Variants in PLEKHA6 observed in about 807,000 individuals in gnomAD.
The protein encoded by PLEKHA6 is pleckstrin homology domain-containing family A member 6.
A neutral mutation model predicts 116.7 loss-of-function variants in PLEKHA6; 60 were observed. That is an observed-to-expected ratio of 0.51 (90% confidence interval 0.42 to 0.64). The LOEUF (loss-of-function observed/expected upper bound fraction) is 0.64, where lower values mean the gene tolerates loss of function less well. Among genes scored for constraint, PLEKHA6 ranks in the 30% least tolerant of loss-of-function variants. The pLI is 0.00. For missense variants in PLEKHA6, 1,338 were observed against 1,422.7 expected, an observed-to-expected ratio of 0.94 and a Z score of 0.96; for synonymous variants, 489 against 556.1, an observed-to-expected ratio of 0.88 and a Z score of 1.70.
At chr1:204,278,937 G>A (rs987334956) in intron 1 of PLEKHA6, among the ~76,000 whole-genome samples, 37 of 152,260 alleles carry the variant, frequency 2.4e-4, no homozygotes, top group Non-Finnish European at 8.8e-5. Context: ...ATCACCGAGG[G>A]CTTCCCTATC....
chr1:204,335,229 C>CCA (rs1168332809), intron 1 of PLEKHA6, among the ~76,000 whole-genome samples: 8 of 152,056 alleles, frequency 5.3e-5, no homozygotes, highest in Admixed American at 4.6e-4. Context: ...CCACTTCCCC[C>CCA]CACACACATA....
chr1:204,350,012 T>C (rs72752040), intron 1 of PLEKHA6, among the ~76,000 whole-genome samples: 3,867 of 152,278 alleles, frequency 0.025, 54 homozygotes, highest in Middle Eastern at 0.088. Context: ...CAGTCAAAAA[T>C]TTCGATGTCT....
chr1:204,350,938 G>A (rs1197119902), intron 1 of PLEKHA6, among the ~76,000 whole-genome samples: 3 of 152,330 alleles, frequency 2.0e-5, no homozygotes, highest in South Asian at 4.1e-4. Context: ...TGTGCTGGGG[G>A]CATCTGGGAT....
intron 1 of PLEKHA6, among the ~76,000 whole-genome samples, chr1:204,302,414 G>A (rs536587078): frequency 1.1e-4 from 16 of 152,318 alleles, no homozygotes; most frequent in South Asian, 2.1e-4. Context: ...CATGATTAAC[G>A]CCTTCTTCCT....
intron 1 of PLEKHA6, among the ~76,000 whole-genome samples, chr1:204,306,815 T>TGTA (rs1324808005): frequency 6.6e-6 from 1 of 152,100 alleles, no homozygotes; most frequent in African/African-American, 2.4e-5. Context: ...AACCTGTACA[T>TGTA]GTACACCATC....
intron 1 of PLEKHA6, among the ~76,000 whole-genome samples, chr1:204,329,368 C>T (rs1049488849): frequency 1.3e-5 from 2 of 152,176 alleles, no homozygotes; most frequent in Non-Finnish European, 2.9e-5. Flanking sequence ...ATCCTATTGC[C>T]ATCCCAGAGC....
chr1:204,241,559 G>T, intron 16 of PLEKHA6, 78 bp from the exon 17 acceptor site: 1 of 1,402,074 alleles, frequency 7.1e-7, no homozygotes, highest in Non-Finnish European at 9.7e-7. Context: ...GACAATCTCA[G>T]CCCCACTCTC....
At chr1:204,235,980 C>A (rs1661989505) in intron 17 of PLEKHA6, among the ~76,000 whole-genome samples, 1 of 152,212 alleles carries the variant, frequency 6.6e-6, no homozygotes, top group Non-Finnish European at 1.5e-5. Flanking sequence ...AGACCTATAA[C>A]TGGACTAAAG....
intron 1 of PLEKHA6, chr1:204,301,106 A>G (rs879482231): frequency 1.3e-4 from 34 of 253,482 alleles, no homozygotes; most frequent in Non-Finnish European, 1.9e-4. Flanking sequence ...TGAAGGTTTT[A>G]TGTAATAAAC....
chr1:204,332,358 C>T lies in PLEKHA6; in HGVS notation c.-95+27336G>A, dbSNP rs532472645. Among the ~76,000 whole-genome samples the T allele has an allele frequency of 7.2e-5, 11 of 152,268 alleles. No homozygotes were observed. In the East Asian group the frequency reaches 2.1e-3, roughly 29 times the overall value. On this transcript the variant is annotated intron_variant, in intron 1 of 22. Transcript: ENST00000272203. ...ATCAACCCATGCCAAGCCAGGCAGG[C>T]AGGCATCAGTCCTCACTGTTTGTTT...
At chr1:204,318,568 G>C (rs1312683824) in intron 1 of PLEKHA6, among the ~76,000 whole-genome samples, 1 of 152,174 alleles carries the variant, frequency 6.6e-6, no homozygotes, top group Admixed American at 6.5e-5. Context: ...GACAGAAGTG[G>C]CTCCATAAGT....
intron 1 of PLEKHA6, among the ~76,000 whole-genome samples, chr1:204,346,277 C>CCGTTTTGGGTCCCT (rs1558194104): frequency 6.6e-6 from 1 of 152,032 alleles, no homozygotes; most frequent in East Asian, 2.0e-4. Flanking sequence ...ACAGCCCCCT[C>CCGTTTTGGGTCCCT]GATTATACCT....
intron 1 of PLEKHA6, among the ~76,000 whole-genome samples, chr1:204,298,247 T>C (rs1670478042): frequency 6.6e-6 from 1 of 152,234 alleles, no homozygotes; most frequent in African/African-American, 2.4e-5. Context: ...GGCCTGAGTC[T>C]TCCTTGTGAG....
Position 204,268,326 on chromosome 1 carries a change from G to T in PLEKHA6, c.103-14C>A. The T allele has an allele frequency of 1.3e-6, 2 of 1,585,520 alleles. No homozygotes were observed. Among genetic ancestry groups the T allele is most frequent in the Non-Finnish European group, 1.7e-6 (2 of 1,160,856 alleles). On this transcript the variant is annotated splice_polypyrimidine_tract_variant and intron_variant, in intron 3 of 22. Coordinates refer to ENST00000272203, the MANE Select transcript of PLEKHA6 (RefSeq NM_014935.5). ...TGTGCGAGTTGCCTGGGGGCAGAGA[G>T]AGAAGCTGATCTAGGTCCCCAGTCT...
In PLEKHA6 at chr1:204,251,461, G is replaced by A. The variant is rs916183771; in HGVS notation, c.1525-847C>T. ...GGTGGCGTGAGCCTCATCCTAGATG[G>A]GCAACTCGACCATGCACAAGCAGCT... On this transcript the variant is annotated intron_variant, in intron 9 of 22. Coordinates refer to ENST00000272203, the MANE Select transcript of PLEKHA6 (RefSeq NM_014935.5). 14 of 682,576 alleles carry A rather than the reference G, an allele frequency of 2.1e-5. No individual in the cohort carries two copies. The East Asian group carries it at 3.5e-4, about 17-fold the overall frequency. 42.3% of individuals were successfully genotyped at this position (682,576 alleles called of 1,614,324 possible).
rs762122528 is a variant in PLEKHA6 at position 204,289,712 on chromosome 1, T to C, written c.-94-14903A>G. 5.3e-4 allele frequency among the ~76,000 whole-genome samples: 80 copies of C among 152,228 alleles called. 1 individual carries two copies. Among genetic ancestry groups the C allele is most frequent in the Admixed American group, 4.9e-3 (75 of 15,288 alleles). On this transcript the variant is annotated intron_variant, in intron 1 of 22. Transcript: ENST00000272203. ...GTCACAGCTACTGTAGAGCTGCTAC[T>C]GAAATGATCTATGACTTAGAACAGA...
chr1:204,263,554 T>A (rs1036058868), intron 6 of PLEKHA6, among the ~76,000 whole-genome samples: 2 of 150,244 alleles, frequency 1.3e-5, no homozygotes, highest in African/African-American at 4.9e-5. Flanking sequence ...GGCAGCGCAG[T>A]GTGGGGGAAG....
intron 1 of PLEKHA6, among the ~76,000 whole-genome samples, chr1:204,339,396 G>A (rs144078576): frequency 4.6e-5 from 7 of 152,274 alleles, no homozygotes; most frequent in Admixed American, 6.5e-5. Context: ...ATACATAACC[G>A]GAACACTAAG....
intron 1 of PLEKHA6, among the ~76,000 whole-genome samples, chr1:204,316,255 G>A (rs1671854120): frequency 1.3e-5 from 2 of 152,128 alleles, no homozygotes; most frequent in South Asian, 2.1e-4. Context: ...AAGAAACATC[G>A]GGACTGACAA....
Sources: gnomAD v4.1 joint callset for allele counts (sites outside exome capture counted in the v4.1 genomes callset) on GRCh38, gnomAD v4.1.1 for gene constraint, MANE v1.5 for transcripts, NCBI Gene and HGNC (gene_info 2026-07-23, HGNC 2026-07-21) for gene names.